SFXN5: variants seen among roughly 807,000 people sequenced by gnomAD.
SFXN5 encodes the protein sideroflexin-5.
A neutral mutation model predicts 50.2 loss-of-function variants in SFXN5; 43 were observed. That is an observed-to-expected ratio of 0.86 (90% CI 0.67 to 1.11). The LOEUF (loss-of-function observed/expected upper bound fraction) is 1.11, where lower values mean the gene tolerates loss of function less well. Ranked by LOEUF, SFXN5 falls within the 50% of genes least tolerant of loss-of-function variation. The pLI is 0.00. For missense variants in SFXN5, 463 were observed against 454.1 expected (o/e 1.02, Z -0.18); for synonymous variants, 203 against 185.8 (o/e 1.09, Z -0.75).
At chr2:73,025,912 G>C (rs1677487186) in intron 3 of SFXN5, among the ~76,000 whole-genome samples, 1 of 152,176 alleles carries the variant, frequency 6.6e-6, no homozygotes, top group African/African-American at 2.4e-5. Context: ...CAGGCACAGG[G>C]GGACCAGGCA....
chr2:72,987,300 G>A (rs1217992417), intron 10 of SFXN5, among the ~76,000 whole-genome samples: 1 of 151,490 alleles, frequency 6.6e-6, no homozygotes, highest in Non-Finnish European at 1.5e-5. Context: ...AGTAGAGATG[G>A]GGTTTCACCA....
intron 2 of SFXN5, among the ~76,000 whole-genome samples, chr2:73,052,356 A>ATGCGTGTGTGTG: frequency 1.3e-5 from 1 of 74,574 alleles, no homozygotes; most frequent in South Asian, 4.4e-4. Flanking sequence ...GTGTGTGTGT[A>ATGCGTGTGTGTG]TGCGTGTGTG....
chr2:73,045,045 T>G (rs981871871), intron 2 of SFXN5, among the ~76,000 whole-genome samples: 6 of 152,174 alleles, frequency 3.9e-5, no homozygotes, highest in African/African-American at 1.4e-4. Flanking sequence ...GAAGCAAAAC[T>G]CATCTCTTCT....
intron 3 of SFXN5, among the ~76,000 whole-genome samples, chr2:73,035,142 G>A (rs1678812221): frequency 6.6e-6 from 1 of 152,178 alleles, no homozygotes. Flanking sequence ...TATGTGGAAA[G>A]CGCTAGTACT....
At position 72,992,979 on chromosome 2, in the gene SFXN5, G is replaced by A. The variant is rs1672784366; in HGVS notation, c.535-4631C>T. ...GGAAGGGGATGCCTGCCTGAGCCCTGAATAGGAGGCTAGGAAGGGAGCAGG... is the reference window on the plus strand; with the variant it reads ...GGAAGGGGATGCCTGCCTGAGCCCTAAATAGGAGGCTAGGAAGGGAGCAGG... On this transcript the variant is annotated intron_variant, in intron 9 of 13. Transcript: ENST00000272433. The surrounding 1 kb of genome is among the most constrained non-coding windows in gnomAD (Gnocchi z 4.5). 6.6e-6 allele frequency among the ~76,000 whole-genome samples: 1 copy of A among 152,122 alleles called. No individual in the cohort carries two copies. Among genetic ancestry groups the A allele is most frequent in the African/African-American group, 2.4e-5 (1 of 41,410 alleles).
At chr2:72,975,821 A>C (rs1670558960) in intron 10 of SFXN5, among the ~76,000 whole-genome samples, 1 of 152,254 alleles carries the variant, frequency 6.6e-6, no homozygotes, top group Non-Finnish European at 1.5e-5. Context: ...TACATGCAGA[A>C]GATCGTCTGC....
rs931966004 is a variant in SFXN5 at position 72,945,341 on chromosome 2, C to T, written c.946-242G>A. Reference sequence around the variant, plus strand: ...AGATCTCTTTCTTCTGATGGTGTGTCCACGTGGGTGGACATCCTACACACT... The same window carrying T: ...AGATCTCTTTCTTCTGATGGTGTGTTCACGTGGGTGGACATCCTACACACT... On this transcript the variant is annotated intron_variant, in intron 13 of 13. Transcript: ENST00000272433. The surrounding 1 kb of genome is among the most constrained non-coding windows in gnomAD (Gnocchi z 5.8). Among the ~76,000 whole-genome samples the T allele has an allele frequency of 6.6e-6, 1 of 152,122 alleles. No individual in the cohort carries two copies. The highest frequency in any genetic ancestry group is 1.9e-4 in the East Asian group (1 of 5,176).
At chr2:73,025,791 G>A (rs958774433) in intron 3 of SFXN5, among the ~76,000 whole-genome samples, 1 of 152,198 alleles carries the variant, frequency 6.6e-6, no homozygotes, top group Non-Finnish European at 1.5e-5. Flanking sequence ...AGATCAGGGA[G>A]AGACGTTGAA....
rs184841418 is a variant in SFXN5, at chr2:73,055,736, C to T, written c.171+2792G>A. 2.5e-3 allele frequency among the ~76,000 whole-genome samples: 379 copies of T among 152,202 alleles called. 7 individuals carry two copies. Among genetic ancestry groups the T allele is most frequent in the East Asian group, 4.6e-3 (24 of 5,172 alleles). On this transcript the variant is annotated intron_variant, in intron 2 of 13. Transcript: ENST00000272433. ...AGTTCACGCCATTCTCCTGCCTCAGCTTCCTGAGTAGCTGGGACTACAGAC... is the reference window on the plus strand; with the variant it reads ...AGTTCACGCCATTCTCCTGCCTCAGTTTCCTGAGTAGCTGGGACTACAGAC...
chr2:73,013,722 G>C (rs1675822517), intron 6 of SFXN5, among the ~76,000 whole-genome samples: 1 of 151,862 alleles, frequency 6.6e-6, no homozygotes, highest in Non-Finnish European at 1.5e-5. Context: ...ATATTTCAAG[G>C]ATACAGAAAA....
At position 72,960,584 on chromosome 2, in the gene SFXN5, C is replaced by T. The variant is rs571600783; in HGVS notation, c.945+547G>A. Among the ~76,000 whole-genome samples the T allele has an allele frequency of 1.3e-5, 2 of 152,284 alleles. No individual in the cohort carries two copies. The highest frequency in any genetic ancestry group is 4.1e-4 in the South Asian group (2 of 4,820). The stretch of plus-strand genomic sequence containing the variant: ...CAGAATCAGGCATCTGTGGTCTGCC[C>T]TGCACAGCCCTTAGGAGGACATTCA... On this transcript the variant is annotated intron_variant, in intron 13 of 13. Coordinates refer to ENST00000272433, the MANE Select transcript of SFXN5 (RefSeq NM_144579.3). This position sits in a 1 kb window ranked among gnomAD's most constrained non-coding sequence, Gnocchi z 6.1.
At chr2:72,975,259 G>C (rs985864087) in intron 10 of SFXN5, among the ~76,000 whole-genome samples, 1 of 152,180 alleles carries the variant, frequency 6.6e-6, no homozygotes, top group African/African-American at 2.4e-5. Flanking sequence ...GTGTAAAAGG[G>C]GCAGTGTGGG....
intron 3 of SFXN5, among the ~76,000 whole-genome samples, chr2:73,039,776 C>CTATTT (rs56382816): frequency 0.63 from 91,094 of 145,464 alleles, 31,167 homozygotes; most frequent in East Asian, 0.93. Flanking sequence ...CTTACAAGCA[C>CTATTT]TATTTTATTT....
intron 13 of SFXN5, among the ~76,000 whole-genome samples, chr2:72,958,737 A>G (rs926336938): frequency 6.6e-6 from 1 of 151,892 alleles, no homozygotes; most frequent in Non-Finnish European, 1.5e-5. Flanking sequence ...GGCAACCCAG[A>G]GCCCATGGCT....
At chr2:72,957,369 T>A (rs1220611911) in intron 13 of SFXN5, among the ~76,000 whole-genome samples, 1 of 152,200 alleles carries the variant, frequency 6.6e-6, no homozygotes, top group African/African-American at 2.4e-5. Flanking sequence ...ACCATTTTAA[T>A]AAGCAGAACT....
intron 10 of SFXN5, 52 bp downstream of exon 10, chr2:72,988,206 C>G (rs897918970): frequency 6.6e-7 from 1 of 1,517,484 alleles, no homozygotes. Flanking sequence ...GGGAGCCCAG[C>G]GGTCCCCCAC....
chr2:73,049,917 G>A (rs1339006520), intron 2 of SFXN5: 1 of 149,708 alleles, frequency 6.7e-6, no homozygotes, highest in African/African-American at 2.5e-5. Flanking sequence ...ATCAAACAAG[G>A]TACAATGGTG....
At chr2:73,012,574 C>T (rs1379659589) in intron 6 of SFXN5, among the ~76,000 whole-genome samples, 4 of 150,080 alleles carry the variant, frequency 2.7e-5, no homozygotes, top group Non-Finnish European at 5.9e-5. Flanking sequence ...AAAAGATCTC[C>T]AGATATGCAA....
At chr2:73,051,659 A>G (rs1259293057) in intron 2 of SFXN5, among the ~76,000 whole-genome samples, 1 of 152,212 alleles carries the variant, frequency 6.6e-6, no homozygotes, top group Non-Finnish European at 1.5e-5. Flanking sequence ...CCACTTCTGT[A>G]GTATCAATTT....
Sources: allele counts gnomAD v4.1 joint callset (sites outside exome capture counted in the v4.1 genomes callset), GRCh38; gene constraint gnomAD v4.1.1; non-coding constraint Gnocchi (gnomAD v3.1); transcripts MANE v1.5; gene names NCBI Gene and HGNC (gene_info 2026-07-23, HGNC 2026-07-21).